The following GRM5 variants were observed in gnomAD, a reference collection of about 807,000 sequenced individuals.
GRM5 encodes the protein metabotropic glutamate receptor 5.
A neutral mutation model predicts 83.1 loss-of-function variants in GRM5; 19 were observed. That is an observed-to-expected ratio of 0.23 (90% CI 0.16 to 0.34). The LOEUF (loss-of-function observed/expected upper bound fraction) is 0.34, where lower values mean the gene tolerates loss of function less well. Among genes scored for constraint, GRM5 ranks in the 10% least tolerant of loss-of-function variants. GRM5 has a pLI of 1.00. For missense variants in GRM5, 1,160 were observed against 1,588.3 expected (o/e 0.73, Z 4.58); for synonymous variants, 675 against 633.6 (o/e 1.07, Z -0.98).
intron 2 of GRM5, among the ~76,000 whole-genome samples, chr11:88,960,372 A>T (rs1938745709): frequency 1.3e-5 from 2 of 152,176 alleles, no homozygotes; most frequent in Admixed American, 6.6e-5. Flanking sequence ...CAAAAAAAAA[A>T]CTATGAAGTA....
chr11:88,679,951 C>T (rs1312980821), intron 3 of GRM5, among the ~76,000 whole-genome samples: 1 of 151,950 alleles, frequency 6.6e-6, no homozygotes, highest in African/African-American at 2.4e-5. Context: ...TAGACAAAAA[C>T]GCCTGAGAGT....
chr11:89,063,069 C>T (rs1194204482), intron 1 of GRM5, among the ~76,000 whole-genome samples: 1 of 152,270 alleles, frequency 6.6e-6, no homozygotes, highest in Non-Finnish European at 1.5e-5. Context: ...CGCCACGAAG[C>T]GGCCCCTAAC....
intron 9 of GRM5, among the ~76,000 whole-genome samples, chr11:88,525,096 C>T (rs1424046081): frequency 1.3e-5 from 2 of 152,164 alleles, no homozygotes; most frequent in African/African-American, 2.4e-5. Flanking sequence ...CCCTGGGAAA[C>T]AGCAGCATCT....
At chr11:88,953,459 G>T (rs1404439318) in intron 2 of GRM5, among the ~76,000 whole-genome samples, 1 of 152,120 alleles carries the variant, frequency 6.6e-6, no homozygotes, top group South Asian at 2.1e-4. Flanking sequence ...TATCTTCAAA[G>T]AAGCAAAAGA....
chr11:88,687,196 C>T (rs994586955), intron 3 of GRM5, among the ~76,000 whole-genome samples: 1 of 151,730 alleles, frequency 6.6e-6, no homozygotes, highest in Non-Finnish European at 1.5e-5. Context: ...ATATTCTGGC[C>T]AGGAGCAGCG....
chr11:88,980,285 G>A (rs937058415), intron 2 of GRM5, among the ~76,000 whole-genome samples: 2 of 152,098 alleles, frequency 1.3e-5, no homozygotes, highest in African/African-American at 4.8e-5. Context: ...TGTGTTCTGA[G>A]TAGTTAACAA....
chr11:88,516,605 C>A (rs184985102), intron 9 of GRM5, among the ~76,000 whole-genome samples: 1 of 152,142 alleles, frequency 6.6e-6, no homozygotes, highest in East Asian at 1.9e-4. Context: ...TGACTTAAAT[C>A]TGATGTACGA....
chr11:89,036,521 G>T (rs1941389756), intron 2 of GRM5, among the ~76,000 whole-genome samples: 1 of 151,996 alleles, frequency 6.6e-6, no homozygotes, highest in Non-Finnish European at 1.5e-5. Flanking sequence ...TTTTCTGTGT[G>T]CCAAGCTTGA....
At chr11:88,776,731 GA>G (rs1184050287) in intron 3 of GRM5, among the ~76,000 whole-genome samples, 12 of 152,172 alleles carry the variant, frequency 7.9e-5, no homozygotes, top group African/African-American at 2.9e-4. Flanking sequence ...ATTCCGGGTT[GA>G]AAATTCTTTT....
chr11:88,515,479 A>G (rs2135086967), intron 9 of GRM5, among the ~76,000 whole-genome samples: 1 of 152,314 alleles, frequency 6.6e-6, no homozygotes, highest in South Asian at 2.1e-4. Context: ...TTCACAACAC[A>G]AAGAAATGAT....
chr11:88,578,320 C>G (rs1320724414), intron 7 of GRM5, among the ~76,000 whole-genome samples: 1 of 152,052 alleles, frequency 6.6e-6, no homozygotes, highest in Non-Finnish European at 1.5e-5. Flanking sequence ...TTAGATAATG[C>G]AATAGTTAGC....
At chr11:88,981,420 G>A (rs1419351884) in intron 2 of GRM5, among the ~76,000 whole-genome samples, 2 of 152,018 alleles carry the variant, frequency 1.3e-5, no homozygotes, top group Non-Finnish European at 1.5e-5. Context: ...TCAGTATAAA[G>A]TTAAATTTTT....
chr11:88,820,168 C>A (rs989478806), intron 3 of GRM5, among the ~76,000 whole-genome samples: 3 of 150,788 alleles, frequency 2.0e-5, no homozygotes, highest in Non-Finnish European at 4.4e-5. Context: ...ATCATGAGGA[C>A]AGGAGATCGA....
intron 2 of GRM5, among the ~76,000 whole-genome samples, chr11:89,004,869 C>T (rs1237063272): frequency 1.3e-5 from 2 of 152,300 alleles, no homozygotes; most frequent in East Asian, 3.9e-4. Context: ...AGACTAGAAG[C>T]CTGTCTTCTA....
intron 2 of GRM5, among the ~76,000 whole-genome samples, chr11:88,881,336 A>T (rs972214181): frequency 6.6e-6 from 1 of 151,850 alleles, no homozygotes; most frequent in Non-Finnish European, 1.5e-5. Flanking sequence ...AAAAAAAAAA[A>T]CTGTCACCTT....
chr11:88,964,951 T>C (rs1467062671), intron 2 of GRM5, among the ~76,000 whole-genome samples: 1 of 152,146 alleles, frequency 6.6e-6, no homozygotes, highest in Non-Finnish European at 1.5e-5. Flanking sequence ...AGTTGCTAAG[T>C]TAACTCAAGT....
At chr11:88,747,060 G>A (rs1055104123) in intron 3 of GRM5, among the ~76,000 whole-genome samples, 4 of 152,136 alleles carry the variant, frequency 2.6e-5, no homozygotes, top group African/African-American at 7.2e-5. Flanking sequence ...ATTGCATAAA[G>A]AAGACACCCC....
intron 3 of GRM5, among the ~76,000 whole-genome samples, chr11:88,788,097 A>G (rs1943107213): frequency 6.6e-6 from 1 of 152,174 alleles, no homozygotes; most frequent in African/African-American, 2.4e-5. Flanking sequence ...TACCAGCTAG[A>G]CACACTGGGC....
intron 3 of GRM5, among the ~76,000 whole-genome samples, chr11:88,781,160 G>C (rs1245068187): frequency 6.7e-6 from 1 of 148,680 alleles, no homozygotes; most frequent in East Asian, 2.0e-4. Context: ...TATATATTTG[G>C]TGTATCCTTT....
Sources: allele counts gnomAD v4.1 joint callset (sites outside exome capture counted in the v4.1 genomes callset), GRCh38; gene constraint gnomAD v4.1.1; transcripts MANE v1.5; gene names NCBI Gene and HGNC (gene_info 2026-07-23, HGNC 2026-07-21).